Variants in PTPRD observed in about 807,000 individuals in gnomAD.
PTPRD encodes protein tyrosine phosphatase receptor type D, also known as receptor-type tyrosine-protein phosphatase delta.
PTPRD carries 34 observed loss-of-function variants against 214.5 expected under a neutral mutation model. That is an observed-to-expected ratio of 0.16 (90% confidence interval 0.12 to 0.21). PTPRD has a LOEUF of 0.21. Ranked by LOEUF, PTPRD falls within the 10% of genes least tolerant of loss-of-function variation. The pLI, the probability that PTPRD is intolerant of heterozygous loss-of-function variation, is 1.00. For missense variants in PTPRD, 2,545 were observed against 2,398.7 expected (o/e 1.06, Z -1.27); for synonymous variants, 1,128 against 845.7 (o/e 1.33, Z -5.79).
intron 11 of PTPRD, among the ~76,000 whole-genome samples, chr9:8,845,330 GA>G (rs1348825571): frequency 6.6e-6 from 1 of 152,098 alleles, no homozygotes; most frequent in African/African-American, 2.4e-5. Flanking sequence ...GTCCTATAAA[GA>G]AAAAAAGTCG....
chr9:10,356,559 T>C (rs992084499), intron 2 of PTPRD, among the ~76,000 whole-genome samples: 1 of 152,230 alleles, frequency 6.6e-6, no homozygotes, highest in Non-Finnish European at 1.5e-5. Flanking sequence ...AGAAAAAGGA[T>C]ACATAACTAC....
chr9:10,033,607 C>G (rs1168641250), intron 4 of PTPRD, 111 bp downstream of exon 4: 13 of 151,938 alleles, frequency 8.6e-5, no homozygotes, highest in Admixed American at 8.5e-4. Flanking sequence ...TGTAATTAGT[C>G]AAGCAATGAT....
chr9:8,674,854 T>G (rs2097368416), intron 12 of PTPRD, among the ~76,000 whole-genome samples: 1 of 152,164 alleles, frequency 6.6e-6, no homozygotes, highest in Non-Finnish European at 1.5e-5. Flanking sequence ...TGTTTTTTGT[T>G]TGTTTGGGGT....
At chr9:9,551,123 C>T (rs900171701) in intron 8 of PTPRD, among the ~76,000 whole-genome samples, 2 of 151,784 alleles carry the variant, frequency 1.3e-5, no homozygotes, top group African/African-American at 4.8e-5. Context: ...AAAATAAGAA[C>T]TTATGTTCAC....
chr9:10,150,393 G>C (rs2099052676), intron 3 of PTPRD, among the ~76,000 whole-genome samples: 1 of 152,042 alleles, frequency 6.6e-6, no homozygotes, highest in Admixed American at 6.6e-5. Context: ...CCATCATTCT[G>C]AGCAAACCAT....
chr9:9,387,466 T>A (rs1407293307), intron 9 of PTPRD, among the ~76,000 whole-genome samples: 1 of 152,202 alleles, frequency 6.6e-6, no homozygotes, highest in African/African-American at 2.4e-5. Context: ...GACTTTTTTC[T>A]TTTTAAAGAG....
intron 11 of PTPRD, among the ~76,000 whole-genome samples, chr9:8,897,049 G>A (rs2154247681): frequency 6.6e-6 from 1 of 152,238 alleles, no homozygotes; most frequent in South Asian, 2.1e-4. Flanking sequence ...CTACAATACT[G>A]TGAAATACAT....
At chr9:9,267,143 G>A (rs1197334880) in intron 9 of PTPRD, among the ~76,000 whole-genome samples, 1 of 151,176 alleles carries the variant, frequency 6.6e-6, no homozygotes, top group Non-Finnish European at 1.5e-5. Context: ...ACATCACTAT[G>A]TACTGAAGAA....
chr9:9,552,932 G>T (rs1204002716), intron 8 of PTPRD, among the ~76,000 whole-genome samples: 1 of 152,020 alleles, frequency 6.6e-6, no homozygotes, highest in Non-Finnish European at 1.5e-5. Context: ...AGAACATCTG[G>T]AGCATTTGGT....
intron 11 of PTPRD, among the ~76,000 whole-genome samples, chr9:8,893,554 T>C (rs2098562321): frequency 1.3e-5 from 2 of 152,092 alleles, no homozygotes; most frequent in Admixed American, 1.3e-4. Flanking sequence ...CAATTTCAAG[T>C]GTTGGCAAGT....
chr9:8,727,432 G>C (rs1039885683), intron 12 of PTPRD, among the ~76,000 whole-genome samples: 1 of 152,146 alleles, frequency 6.6e-6, no homozygotes, highest in Non-Finnish European at 1.5e-5. Flanking sequence ...TGCTAATTTA[G>C]CTACTTTAAA....
chr9:10,262,798 G>A (rs2093783604), intron 3 of PTPRD, among the ~76,000 whole-genome samples: 1 of 152,136 alleles, frequency 6.6e-6, no homozygotes, highest in Admixed American at 6.5e-5. Flanking sequence ...CATTTGCACA[G>A]ACCCTTTGCA....
chr9:9,340,681 G>A (rs950393517), intron 9 of PTPRD, among the ~76,000 whole-genome samples: 3 of 152,194 alleles, frequency 2.0e-5, no homozygotes, highest in Non-Finnish European at 4.4e-5. Flanking sequence ...CAGCTGGAAA[G>A]CTGTTGGACA....
intron 14 of PTPRD, among the ~76,000 whole-genome samples, chr9:8,580,525 G>A (rs1302820308): frequency 6.6e-6 from 1 of 152,184 alleles, no homozygotes; most frequent in Non-Finnish European, 1.5e-5. Context: ...TACAGCACCT[G>A]AATGTAAAGA....
chr9:9,911,634 A>G (rs1435778316), intron 5 of PTPRD, among the ~76,000 whole-genome samples: 1 of 152,150 alleles, frequency 6.6e-6, no homozygotes, highest in African/African-American at 2.4e-5. Flanking sequence ...AGACTTCAAA[A>G]AAATGTTGCT....
intron 4 of PTPRD, among the ~76,000 whole-genome samples, chr9:10,017,145 C>T (rs1057237940): frequency 1.3e-5 from 2 of 152,080 alleles, no homozygotes; most frequent in African/African-American, 4.8e-5. Flanking sequence ...TAGTAATATG[C>T]CCAATGTTTT....
At chr9:9,215,041 T>C (rs1209534375) in intron 9 of PTPRD, among the ~76,000 whole-genome samples, 1 of 152,222 alleles carries the variant, frequency 6.6e-6, no homozygotes, top group Non-Finnish European at 1.5e-5. Context: ...AATGCAGTGC[T>C]ACTGTTTGGC....
intron 2 of PTPRD, among the ~76,000 whole-genome samples, chr9:10,392,706 G>C (rs149226449): frequency 7.9e-5 from 12 of 151,954 alleles, no homozygotes; most frequent in African/African-American, 2.9e-4. Context: ...AGAATATTAT[G>C]TCTTATTTGA....
intron 3 of PTPRD, among the ~76,000 whole-genome samples, chr9:10,065,286 G>C (rs1435504764): frequency 6.6e-6 from 1 of 151,914 alleles, no homozygotes; most frequent in Non-Finnish European, 1.5e-5. Flanking sequence ...AGTTGGCGCA[G>C]AGTTGCACGA....
Sources: gnomAD v4.1 joint callset for allele counts (sites outside exome capture counted in the v4.1 genomes callset) on GRCh38, gnomAD v4.1.1 for gene constraint, MANE v1.5 for transcripts, NCBI Gene and HGNC (gene_info 2026-07-23, HGNC 2026-07-21) for gene names.